IKZF1: variants seen among roughly 807,000 people sequenced by gnomAD.
IKZF1 encodes the protein DNA-binding protein Ikaros.
A neutral mutation model predicts 51.7 loss-of-function variants in IKZF1; 10 were observed. The observed-to-expected ratio is 0.19, with a 90% CI of 0.12 to 0.33. The LOEUF (loss-of-function observed/expected upper bound fraction) is 0.33. Ranked by LOEUF, IKZF1 falls within the 10% of genes least tolerant of loss-of-function variation. The probability of loss-of-function intolerance (pLI) is 1.00; values close to 1 mark genes in which losing one functional copy is unlikely to be tolerated. For synonymous variants in IKZF1, 280 were observed against 282.3 expected (o/e 0.99, Z 0.08); for missense variants, 484 against 707.5 (o/e 0.68, Z 3.58).
chr7:50,375,001 C>T lies in IKZF1; in HGVS notation c.161-1532C>T, dbSNP rs970893412. ...TGTTAAAACAGACTGCTGGGCCCAC[C>T]GAGAGTTCCTGAGCCTGCAACTCTG... On this transcript the variant is annotated intron_variant, in intron 3 of 7. Transcript: ENST00000331340. Among the ~76,000 whole-genome samples the T allele has an allele frequency of 5.9e-5, 9 of 152,162 alleles. No individual in the cohort carries two copies. The South Asian group carries it at 6.2e-4, about 11-fold the overall frequency.
intron 3 of IKZF1, among the ~76,000 whole-genome samples, chr7:50,373,574 G>A (rs1809362965): frequency 1.3e-5 from 2 of 152,112 alleles, no homozygotes; most frequent in South Asian, 2.1e-4. Flanking sequence ...TCGTCTTAGC[G>A]CCTGTATTTG....
intron 3 of IKZF1, among the ~76,000 whole-genome samples, chr7:50,350,141 C>G (rs969280509): frequency 6.6e-6 from 1 of 152,228 alleles, no homozygotes; most frequent in Non-Finnish European, 1.5e-5. Context: ...CACCACCGTC[C>G]GCTGGGAGGC....
chr7:50,401,917 C>G lies in IKZF1; in HGVS notation c.*1290C>G, dbSNP rs977103701. The G allele has an allele frequency of 9.2e-6, 2 of 218,458 alleles. No homozygotes were observed. Among genetic ancestry groups the G allele is most frequent in the African/African-American group, 2.2e-5 (1 of 44,454 alleles). 13.5% of individuals were successfully genotyped at this position (218,458 alleles called of 1,614,324 possible). On this transcript the variant is annotated 3_prime_UTR_variant, in exon 8 of 8. Coordinates refer to ENST00000331340, the MANE Select transcript of IKZF1 (RefSeq NM_006060.6). ...AAGCCAGCATGTGTGTCCACACATA[C>G]ATAGGATGGCTGGCTCTGCACCTGT...
intron 3 of IKZF1, among the ~76,000 whole-genome samples, chr7:50,339,040 A>G (rs1584592173): frequency 2.0e-5 from 3 of 152,326 alleles, no homozygotes; most frequent in African/African-American, 7.2e-5. Flanking sequence ...GGTAGCTTGA[A>G]GTCTACCGTG....
At chr7:50,367,369 T>C (rs1013818435) in intron 3 of IKZF1, among the ~76,000 whole-genome samples, 1 of 152,144 alleles carries the variant, frequency 6.6e-6, no homozygotes, top group Non-Finnish European at 1.5e-5. Context: ...CTACCAAATC[T>C]TAAGAGAAAG....
At chr7:50,383,818 G>C (rs775580711) in intron 5 of IKZF1, among the ~76,000 whole-genome samples, 1 of 152,236 alleles carries the variant, frequency 6.6e-6, no homozygotes, top group Non-Finnish European at 1.5e-5. Context: ...GGAGGCAGAC[G>C]TGTGTTCTTT....
intron 6 of IKZF1, among the ~76,000 whole-genome samples, chr7:50,391,222 G>A (rs28625633): frequency 0.096 from 14,632 of 152,192 alleles, 800 homozygotes; most frequent in Middle Eastern, 0.14. Context: ...TCAGGGATAA[G>A]GGGCTCTGGG....
chr7:50,400,702 G>C lies in IKZF1; in HGVS notation c.*75G>C. ...CAAGGACTGCCGCCTTCTCGCTCCCGCCAGCAGCATAGACTGGACTGGACC... is the reference window on the plus strand; with the variant it reads ...CAAGGACTGCCGCCTTCTCGCTCCCCCCAGCAGCATAGACTGGACTGGACC... On this transcript the variant is annotated 3_prime_UTR_variant, in exon 8 of 8. Transcript: ENST00000331340. The surrounding 1 kb of genome is among the most constrained non-coding windows in gnomAD (Gnocchi z 5.4). 4 of 1,492,468 alleles carry C rather than the reference G, an allele frequency of 2.7e-6. No homozygotes were observed. The highest frequency in any genetic ancestry group is 3.6e-6 in the Non-Finnish European group (4 of 1,110,124). The allele number at this position is 1,492,468 out of a possible 1,614,324, so 92.5% of individuals were successfully genotyped here.
chr7:50,402,785 A>G lies in IKZF1; in HGVS notation c.*2158A>G. 1 of 230,462 alleles carries G rather than the reference A, an allele frequency of 4.3e-6. No individual in the cohort carries two copies. Among genetic ancestry groups the G allele is most frequent in the South Asian group, 1.8e-4 (1 of 5,496 alleles). The allele number at this position is 230,462 out of a possible 1,614,324, so 14.3% of individuals were successfully genotyped here. ...TTCTCTGCTCACAGAAGGGTGTGGC[A>G]TTTGGAAACGGGAATAAACAAAATT... On this transcript the variant is annotated 3_prime_UTR_variant, in exon 8 of 8. Transcript: ENST00000331340.
chr7:50,327,435 C>A (rs1795302184), intron 2 of IKZF1: 1 of 456,344 alleles, frequency 2.2e-6, no homozygotes, highest in Non-Finnish European at 3.8e-6. Flanking sequence ...TTCCCTTTTG[C>A]ACATCTATGT....
At chr7:50,338,807 T>A (rs1798379913) in intron 3 of IKZF1, among the ~76,000 whole-genome samples, 1 of 152,194 alleles carries the variant, frequency 6.6e-6, no homozygotes, top group African/African-American at 2.4e-5. Flanking sequence ...GGCTACTGTC[T>A]CCCACCAGAT....
intron 3 of IKZF1, among the ~76,000 whole-genome samples, chr7:50,333,894 A>G (rs1796969946): frequency 6.6e-6 from 1 of 152,202 alleles, no homozygotes; most frequent in Admixed American, 6.5e-5. Flanking sequence ...TATTGTCAGC[A>G]TGAACATATC....
chr7:50,401,077 T>C lies in IKZF1; in HGVS notation c.*450T>C. 1 of 292,214 alleles carries C rather than the reference T, an allele frequency of 3.4e-6. No homozygotes were observed. The highest frequency in any genetic ancestry group is 6.7e-5 in the South Asian group (1 of 14,978). 18.1% of individuals were successfully genotyped at this position (292,214 alleles called of 1,614,324 possible). A position where few individuals can be genotyped will look rare whatever the true frequency, so the allele number is the denominator to read the frequency against. On this transcript the variant is annotated 3_prime_UTR_variant, in exon 8 of 8. Coordinates refer to ENST00000331340, the MANE Select transcript of IKZF1 (RefSeq NM_006060.6). Reference sequence around the variant, plus strand: ...GAAGCAGAGAGCACAGCCCCTGCTGTGTGGGTCTGCAGGTGAGCAGACAGG... The same window carrying C: ...GAAGCAGAGAGCACAGCCCCTGCTGCGTGGGTCTGCAGGTGAGCAGACAGG...
chr7:50,313,732 C>A (rs566835879), intron 1 of IKZF1, among the ~76,000 whole-genome samples: 1 of 152,228 alleles, frequency 6.6e-6, no homozygotes, highest in Admixed American at 6.5e-5. Flanking sequence ...GATGCAGATG[C>A]CTTGGGTTTA....
At chr7:50,325,029 C>T (rs1018105608) in intron 2 of IKZF1, among the ~76,000 whole-genome samples, 8 of 152,132 alleles carry the variant, frequency 5.3e-5, no homozygotes, top group South Asian at 2.1e-4. Flanking sequence ...AATCATGAGA[C>T]GCGTGCACAC....
chr7:50,312,339 C>T (rs372441125), intron 1 of IKZF1, among the ~76,000 whole-genome samples: 22 of 152,196 alleles, frequency 1.4e-4, no homozygotes, highest in Admixed American at 7.9e-4. Flanking sequence ...GTAGTATAGA[C>T]GGGAAGCCTC....
chr7:50,376,917 G>T lies in IKZF1; in HGVS notation c.421+124G>T. The T allele has an allele frequency of 6.8e-7, 1 of 1,461,752 alleles. No homozygotes were observed. 90.5% of individuals were successfully genotyped at this position (1,461,752 alleles called of 1,614,324 possible). On this transcript the variant is annotated intron_variant, in intron 4 of 7. Coordinates refer to ENST00000331340, the MANE Select transcript of IKZF1 (RefSeq NM_006060.6). This position sits in a 1 kb window ranked among gnomAD's most constrained non-coding sequence, Gnocchi z 4.5. ...CTAATTGACTGGTAGCTCAGTTGTT[G>T]CAAGCGATTGGTTCCAAGTGGTACC... is the stretch of plus-strand genomic sequence containing the variant.
At chr7:50,395,390 T>C (rs78221755) in intron 7 of IKZF1, among the ~76,000 whole-genome samples, 9,962 of 152,266 alleles carry the variant, frequency 0.065, 493 homozygotes, top group South Asian at 0.092. Flanking sequence ...GAATATTATA[T>C]TTAAAGGATC....
intron 3 of IKZF1, among the ~76,000 whole-genome samples, chr7:50,349,004 C>T (rs1046581932): frequency 6.6e-6 from 1 of 152,204 alleles, no homozygotes; most frequent in African/African-American, 2.4e-5. Context: ...CATCGCCAGC[C>T]TCCTGCTTGG....
Sources: gnomAD v4.1 joint callset for allele counts (sites outside exome capture counted in the v4.1 genomes callset) on GRCh38, gnomAD v4.1.1 for gene constraint, Gnocchi (gnomAD v3.1) non-coding constraint, MANE v1.5 for transcripts, NCBI Gene and HGNC (gene_info 2026-07-23, HGNC 2026-07-21) for gene names.